The following LYPLA1 variants were observed in gnomAD, a reference collection of about 807,000 sequenced individuals.
LYPLA1 encodes lysophospholipase 1.
Under a neutral mutation model 34.0 loss-of-function variants are expected in LYPLA1, and 17 were observed. The observed-to-expected ratio is 0.50, with a 90% confidence interval of 0.34 to 0.75. The LOEUF (loss-of-function observed/expected upper bound fraction) is 0.75, where lower values mean the gene tolerates loss of function less well. LYPLA1 is among the 30% of genes least tolerant of loss of function. The pLI, the probability that LYPLA1 is intolerant of heterozygous loss-of-function variation, is 0.01. For missense variants in LYPLA1, 203 were observed against 288.8 expected (o/e 0.70, Z 2.15); for synonymous variants, 98 against 100.8 (o/e 0.97, Z 0.17).
chr8:54,100,813 T>C (rs1197449430), intron 2 of LYPLA1, 95 bp downstream of exon 2: 3 of 995,590 alleles, frequency 3.0e-6, no homozygotes. Context: ...TAAAATACCA[T>C]TTTAGCGCCC....
intron 1 of LYPLA1, chr8:54,101,378 T>C (rs1231461482): frequency 3.1e-5 from 33 of 1,053,884 alleles, no homozygotes; most frequent in Non-Finnish European, 3.8e-5. Flanking sequence ...TTCAAACTTC[T>C]TTCATTGAGG....
chr8:54,082,997 A>C (rs1808429612), intron 2 of LYPLA1, among the ~76,000 whole-genome samples: 1 of 152,196 alleles, frequency 6.6e-6, no homozygotes, highest in Non-Finnish European at 1.5e-5. Context: ...AAGTGCTGGG[A>C]TCACAGACAT....
intron 2 of LYPLA1, among the ~76,000 whole-genome samples, chr8:54,072,904 C>T (rs1182853417): frequency 6.8e-6 from 1 of 147,074 alleles, no homozygotes; most frequent in Non-Finnish European, 1.5e-5. Flanking sequence ...TGCTTGAACA[C>T]TCCAGCTTGG....
At chr8:54,073,068 T>C (rs1476082949) in intron 2 of LYPLA1, 10 of 553,408 alleles carry the variant, frequency 1.8e-5, no homozygotes, top group African/African-American at 1.3e-4. Flanking sequence ...ATGGCTATCA[T>C]CAAAAAGTCA....
chr8:54,097,212 A>C (rs1809753026), intron 2 of LYPLA1, among the ~76,000 whole-genome samples: 1 of 152,232 alleles, frequency 6.6e-6, no homozygotes. Context: ...CAAAAGATCG[A>C]AGTTACAACA....
chr8:54,098,522 T>C (rs1319147858), intron 2 of LYPLA1, among the ~76,000 whole-genome samples: 6 of 151,792 alleles, frequency 4.0e-5, no homozygotes, highest in Non-Finnish European at 5.9e-5. Context: ...CTACTAAAAA[T>C]ACAAAAAAAT....
At chr8:54,073,539 C>T (rs1250505645) in intron 2 of LYPLA1, 1 of 658,624 alleles carries the variant, frequency 1.5e-6, no homozygotes, top group Non-Finnish European at 2.8e-6. Context: ...TGCCAGCTGG[C>T]ATCTGCTTTT....
rs1201056231 is a variant in LYPLA1 at position 54,058,825 on chromosome 8, T to C, written c.286+3429A>G. Among the ~76,000 whole-genome samples, 5 of 151,960 alleles carry C rather than the reference T, an allele frequency of 3.3e-5. No individual in the cohort carries two copies. The East Asian group carries it at 9.7e-4, about 29-fold the overall frequency. Reference sequence around the variant, plus strand: ...CTCAAGTGATCCTCCTGCCTCAGCCTCTCAAAGTGCTAGGATTACAGGTAT... The same window carrying C: ...CTCAAGTGATCCTCCTGCCTCAGCCCCTCAAAGTGCTAGGATTACAGGTAT... On this transcript the variant is annotated intron_variant, in intron 5 of 8. Transcript: ENST00000316963.
intron 2 of LYPLA1, among the ~76,000 whole-genome samples, chr8:54,088,700 T>C (rs1350370005): frequency 6.6e-6 from 1 of 152,230 alleles, no homozygotes; most frequent in East Asian, 1.9e-4. Context: ...AGTAAAAAAG[T>C]AGAAACAATC....
In LYPLA1 at chr8:54,062,287, C is replaced by T. The variant is rs1806700630; in HGVS notation, c.253G>A (p.Asp85Asn). The change falls in exon 5 of 9, where the codon GAT becomes AAT. Residue 85 changes from aspartate to asparagine, a missense_variant. Around this residue, in one of 3 missense-constraint regions of LYPLA1, gnomAD observed 123 missense variants for 199.2 expected, o/e 0.62. Transcript: ENST00000316963. ...GCTGCCTGTTTAATCCCAGATTCAT[C>T]CTCCTGTGAATCTGGTGAAAGCCCA... ...IIGLSPDSQE[D>N]ESGIKQAAEN... 6.2e-7 allele frequency: 1 copy of T among 1,606,912 alleles called. No individual in the cohort carries two copies. The highest frequency in any genetic ancestry group is 1.7e-5 in the Admixed American group (1 of 58,932).
Position 54,063,273 on chromosome 8 carries a change from A to G in LYPLA1, c.215+55T>C, listed in dbSNP as rs1470775619. 6 of 1,129,936 alleles carry G rather than the reference A, an allele frequency of 5.3e-6. No individual in the cohort carries two copies. In the African/African-American group the frequency reaches 6.4e-5, roughly 12 times the overall value. The allele number at this position is 1,129,936 out of a possible 1,614,324, so 70.0% of individuals were successfully genotyped here. The stretch of plus-strand genomic sequence containing the variant: ...ACTGCTGTACACAAAAGCATTTCTG[A>G]TAACATTAAATAAGTAATATAATGT... On this transcript the variant is annotated intron_variant, in intron 4 of 8. Coordinates refer to ENST00000316963, the MANE Select transcript of LYPLA1 (RefSeq NM_006330.4).
intron 1 of LYPLA1, chr8:54,101,495 C>A (rs1233626031): frequency 8.9e-7 from 1 of 1,122,086 alleles, no homozygotes; most frequent in East Asian, 4.7e-5. Flanking sequence ...TGCCCTAGGC[C>A]GGCCCGCGGG....
At chr8:54,073,587 A>G in intron 2 of LYPLA1, 1 of 557,334 alleles carries the variant, frequency 1.8e-6, no homozygotes, top group Non-Finnish European at 3.3e-6. Context: ...TGACCTATTT[A>G]CAGAAGTATA....
chr8:54,096,766 G>A (rs1291260243), intron 2 of LYPLA1, among the ~76,000 whole-genome samples: 3 of 151,392 alleles, frequency 2.0e-5, no homozygotes, highest in Non-Finnish European at 2.9e-5. Flanking sequence ...AAAATTAGCC[G>A]GGTGTGGCGG....
intron 2 of LYPLA1, among the ~76,000 whole-genome samples, chr8:54,092,876 T>A (rs1016330157): frequency 1.3e-5 from 2 of 152,144 alleles, no homozygotes; most frequent in African/African-American, 4.8e-5. Context: ...CGCACACATA[T>A]TATTTCCATT....
At chr8:54,044,192 C>G (rs1332735061), downstream of LYPLA1, among the ~76,000 whole-genome samples, 1 of 152,152 alleles carries the variant, frequency 6.6e-6, no homozygotes, top group East Asian at 1.9e-4. Flanking sequence ...CCACCGTGCC[C>G]AGCCTTCCTT....
At chr8:54,074,953 T>A (rs745415799) in intron 2 of LYPLA1, among the ~76,000 whole-genome samples, 5 of 152,340 alleles carry the variant, frequency 3.3e-5, no homozygotes, top group Admixed American at 1.3e-4. Context: ...AACAATTAGG[T>A]AATGCCCCAG....
chr8:54,085,736 GC>G (rs1808684140), intron 2 of LYPLA1, among the ~76,000 whole-genome samples: 1 of 149,416 alleles, frequency 6.7e-6, no homozygotes, highest in African/African-American at 2.4e-5. Flanking sequence ...GAGCCCCTCC[GC>G]CCGGCCAGCC....
At position 54,046,603 on chromosome 8, in the gene LYPLA1, A is replaced by C. The variant is rs1426087586; in HGVS notation, c.*1462T>G. 6.6e-6 allele frequency: 1 copy of C among 152,622 alleles called. No individual in the cohort carries two copies. Among genetic ancestry groups the C allele is most frequent in the African/African-American group, 2.4e-5 (1 of 41,466 alleles). The allele number at this position is 152,622 out of a possible 1,614,324, so 9.5% of individuals were successfully genotyped here. On this transcript the variant is annotated 3_prime_UTR_variant, in exon 9 of 9. Transcript: ENST00000316963. ...ACATAAACATATGGCTTCATTATTA[A>C]CATCCTGTATAGTCCATTACTAAAT...
Sources: allele counts gnomAD v4.1 joint callset (sites outside exome capture counted in the v4.1 genomes callset), GRCh38; gene constraint gnomAD v4.1.1; regional missense constraint gnomAD v4.1.1; transcripts MANE v1.5; gene names NCBI Gene and HGNC (gene_info 2026-07-23, HGNC 2026-07-21).